Variants in RGS10 observed in about 807,000 individuals in gnomAD.
RGS10 encodes the protein regulator of G protein signaling 10.
In RGS10, 11 loss-of-function variants were observed where a neutral mutation model predicts 23.5. That is an observed-to-expected ratio of 0.47 (90% CI 0.29 to 0.77). The LOEUF (loss-of-function observed/expected upper bound fraction) is 0.77. Among genes scored for constraint, RGS10 ranks in the 30% least tolerant of loss-of-function variants. The pLI is 0.08. For missense variants in RGS10, 180 were observed against 226.3 expected, an observed-to-expected ratio of 0.80 and a Z score of 1.31; for synonymous variants, 77 against 83.2, an observed-to-expected ratio of 0.92 and a Z score of 0.41.
chr10:119,514,107 G>A (rs1844111988), intron 4 of RGS10, among the ~76,000 whole-genome samples: 1 of 152,234 alleles, frequency 6.6e-6, no homozygotes, highest in South Asian at 2.1e-4. Context: ...TGTAATCCCA[G>A]CACTCTGGGA....
intron 3 of RGS10, among the ~76,000 whole-genome samples, chr10:119,521,562 C>T (rs892163206): frequency 8.1e-6 from 1 of 123,952 alleles, no homozygotes; most frequent in African/African-American, 3.2e-5. Flanking sequence ...AAGAGCGAAA[C>T]CCCATTAAAA....
At chr10:119,536,003 G>T (rs1378345999) in intron 1 of RGS10, among the ~76,000 whole-genome samples, 1 of 152,152 alleles carries the variant, frequency 6.6e-6, no homozygotes, top group Non-Finnish European at 1.5e-5. Context: ...GAGTCATTTT[G>T]TTACAACTGG....
At position 119,499,996 on chromosome 10, in the gene RGS10, T is replaced by C. The variant is rs1156253592; in HGVS notation, c.*117A>G. On this transcript the variant is annotated 3_prime_UTR_variant, in exon 5 of 5. Transcript: ENST00000369103. ...AGCAGTTAATAAAACACACATCCCATTGAAGGGTTTTGTACATTTCAGTCC... is the reference window on the plus strand; with the variant it reads ...AGCAGTTAATAAAACACACATCCCACTGAAGGGTTTTGTACATTTCAGTCC... 19 of 1,026,114 alleles carry C rather than the reference T, an allele frequency of 1.9e-5. No homozygotes were observed. The highest frequency in any genetic ancestry group is 2.5e-5 in the Non-Finnish European group (18 of 715,954). 63.6% of individuals were successfully genotyped at this position (1,026,114 alleles called of 1,614,324 possible).
chr10:119,537,029 T>C (rs1195723208), intron 1 of RGS10, among the ~76,000 whole-genome samples: 1 of 152,138 alleles, frequency 6.6e-6, no homozygotes, highest in East Asian at 1.9e-4. Context: ...ATAAACATTT[T>C]CTAAGGAATG....
In RGS10 at chr10:119,512,077, C is replaced by G. The variant is rs532877339; in HGVS notation, c.399+3432G>C. 3.4e-4 allele frequency among the ~76,000 whole-genome samples: 52 copies of G among 152,270 alleles called. No individual in the cohort carries two copies. The South Asian group carries it at 0.011, about 31-fold the overall frequency. ...CCGTTCTTCTAGGTTCCAGCGGTGC[C>G]CTACAAAGTCAGAGCTGCCCTACTA... is the stretch of plus-strand genomic sequence containing the variant. On this transcript the variant is annotated intron_variant, in intron 4 of 4. Transcript: ENST00000369103.
At chr10:119,535,878 T>C (rs1442171349) in intron 1 of RGS10, among the ~76,000 whole-genome samples, 3 of 152,238 alleles carry the variant, frequency 2.0e-5, no homozygotes, top group Admixed American at 1.3e-4. Flanking sequence ...CTCTACTTTG[T>C]AATGAAGTTT....
chr10:119,518,886 A>G (rs936938785), intron 3 of RGS10, among the ~76,000 whole-genome samples: 1 of 152,050 alleles, frequency 6.6e-6, no homozygotes, highest in Non-Finnish European at 1.5e-5. Flanking sequence ...TTGTATTTTT[A>G]GTAGAGACGG....
chr10:119,522,647 G>A (rs1379940377), intron 3 of RGS10, among the ~76,000 whole-genome samples: 2 of 151,896 alleles, frequency 1.3e-5, no homozygotes, highest in Non-Finnish European at 2.9e-5. Flanking sequence ...GAACCCGGGA[G>A]GCGGAGATTG....
At chr10:119,507,454 G>A (rs1844027515) in intron 4 of RGS10, among the ~76,000 whole-genome samples, 1 of 152,110 alleles carries the variant, frequency 6.6e-6, no homozygotes, top group Non-Finnish European at 1.5e-5. Flanking sequence ...GTTGAAAAAG[G>A]AAGCATTTTT....
intron 1 of RGS10, among the ~76,000 whole-genome samples, chr10:119,531,464 AAAATGTCTGAGAGTT>A (rs1271114745): frequency 3.2e-4 from 49 of 152,344 alleles, no homozygotes; most frequent in African/African-American, 1.2e-3. Flanking sequence ...TTTAGCCAAC[AAAATGTCTGAGAGTT>A]AAAAGAACTG....
chr10:119,506,694 A>C (rs933480031), intron 4 of RGS10, among the ~76,000 whole-genome samples: 15 of 151,936 alleles, frequency 9.9e-5, no homozygotes, highest in African/African-American at 3.4e-4. Context: ...TCTTCCCCCA[A>C]ATACTTTTAT....
chr10:119,536,454 G>C lies in RGS10; in HGVS notation c.49+6136C>G, dbSNP rs377528437. On this transcript the variant is annotated intron_variant, in intron 1 of 4. Coordinates refer to ENST00000369103, the MANE Select transcript of RGS10 (RefSeq NM_001005339.2). ...TGCGGACATGGAAAGGGGTGGGGGC[G>C]ATTCCTTACGTTCCATGCTCTGGTG... 5.6e-6 allele frequency: 9 copies of C among 1,612,478 alleles called. No individual in the cohort carries two copies. In the African/African-American group the frequency reaches 1.1e-4, roughly 19 times the overall value.
chr10:119,536,519 CT>C (rs1450745731), intron 1 of RGS10: 11 of 1,607,664 alleles, frequency 6.8e-6, no homozygotes, highest in Non-Finnish European at 9.3e-6. Context: ...AATCCACTGC[CT>C]TCCCAGAGAC....
intron 1 of RGS10, among the ~76,000 whole-genome samples, chr10:119,542,206 C>G (rs1023872096): frequency 2.0e-5 from 3 of 152,238 alleles, no homozygotes; most frequent in African/African-American, 7.2e-5. Flanking sequence ...TCCTTCCACC[C>G]ACGCCCGCAG....
At chr10:119,503,573 T>C (rs1171057535) in intron 4 of RGS10, among the ~76,000 whole-genome samples, 1 of 152,096 alleles carries the variant, frequency 6.6e-6, no homozygotes, top group African/African-American at 2.4e-5. Context: ...AGCCCTGCGC[T>C]GGGCAGCGTG....
intron 4 of RGS10, among the ~76,000 whole-genome samples, chr10:119,501,450 C>G (rs137935044): frequency 6.6e-6 from 1 of 152,092 alleles, no homozygotes; most frequent in African/African-American, 2.4e-5. Context: ...GTGCTGGGGG[C>G]GGTGGCTCAC....
chr10:119,542,632 T>C lies in RGS10; in HGVS notation c.7A>G (p.Asn3Asp). The C allele has an allele frequency of 2.1e-6, 3 of 1,414,800 alleles. No individual in the cohort carries two copies. The highest frequency in any genetic ancestry group is 2.8e-6 in the Non-Finnish European group (3 of 1,080,274). 87.6% of individuals were successfully genotyped at this position (1,414,800 alleles called of 1,614,324 possible). MFNRAVSRLSRKR... is the reference protein window; with the variant it reads MFDRAVSRLSRKR... Reference sequence around the variant, plus strand: ...CTGCTCAGCCGGCTCACGGCGCGGTTGAACATCGCCGCGGGCGCCCGAGGA... The same window carrying C: ...CTGCTCAGCCGGCTCACGGCGCGGTCGAACATCGCCGCGGGCGCCCGAGGA... Residue 3 changes from asparagine (N) to aspartate (D), a missense_variant, in exon 1 of 5, where the codon AAC becomes GAC. Transcript: ENST00000369103.
intron 3 of RGS10, among the ~76,000 whole-genome samples, chr10:119,521,192 A>G (rs1844208955): frequency 6.6e-6 from 1 of 151,890 alleles, no homozygotes; most frequent in Admixed American, 6.6e-5. Flanking sequence ...GACTGCTTAA[A>G]CCCAGGAGGT....
At chr10:119,521,183 A>T (rs1239810794) in intron 3 of RGS10, among the ~76,000 whole-genome samples, 3 of 151,894 alleles carry the variant, frequency 2.0e-5, no homozygotes, top group Non-Finnish European at 4.4e-5. Flanking sequence ...ACATGGTGAG[A>T]CTGCTTAAAC....
Sources: allele counts gnomAD v4.1 joint callset (sites outside exome capture counted in the v4.1 genomes callset), GRCh38; gene constraint gnomAD v4.1.1; transcripts MANE v1.5; gene names NCBI Gene and HGNC (gene_info 2026-07-23, HGNC 2026-07-21).